FTCDNL1: variants seen among roughly 807,000 people sequenced by gnomAD.
The protein encoded by FTCDNL1 is formiminotransferase cyclodeaminase N-terminal like.
A neutral mutation model predicts 5.9 loss-of-function variants in FTCDNL1; 11 were observed. The ratio of observed to expected loss-of-function variants is 1.87; its 90% CI spans 1.18 to 3.10. FTCDNL1 has a LOEUF of 3.10. Among genes scored for constraint, FTCDNL1 ranks in the 30% most tolerant of loss-of-function variants. The pLI, the probability that FTCDNL1 is intolerant of heterozygous loss-of-function variation, is 0.00. For synonymous variants in FTCDNL1, 58 were observed against 24.8 expected (o/e 2.34, Z -3.99); for missense variants, 115 against 65.5 (o/e 1.76, Z -2.61).
At chr2:199,668,982 C>G in the FTCDNL1 span, among the ~76,000 whole-genome samples, 1 of 151,718 alleles carries the variant, frequency 6.6e-6, no homozygotes, top group Non-Finnish European at 1.5e-5. Context: ...TTTTTTTCCT[C>G]TAGGCTTACA....
At chr2:199,779,971 G>A (rs1257777523) in intron 3 of FTCDNL1, among the ~76,000 whole-genome samples, 1 of 152,190 alleles carries the variant, frequency 6.6e-6, no homozygotes, top group East Asian at 1.9e-4. Flanking sequence ...TTCACTACCT[G>A]CAAAAGTACC....
the FTCDNL1 span, among the ~76,000 whole-genome samples, chr2:199,745,996 C>T: frequency 6.6e-6 from 1 of 152,154 alleles, no homozygotes; most frequent in Non-Finnish European, 1.5e-5. Context: ...ATAAATGATT[C>T]CACAACATGG....
chr2:199,705,272 G>GTAC, the FTCDNL1 span, among the ~76,000 whole-genome samples: 1 of 152,170 alleles, frequency 6.6e-6, no homozygotes, highest in East Asian at 1.9e-4. Context: ...GGCTGAGATA[G>GTAC]TACTGGAACC....
chr2:199,672,360 T>C, the FTCDNL1 span, among the ~76,000 whole-genome samples: 4 of 152,218 alleles, frequency 2.6e-5, no homozygotes, highest in African/African-American at 9.6e-5. Flanking sequence ...ATTTACTACA[T>C]GTAAGTTTTA....
At chr2:199,820,073 C>A (rs879558586) in intron 3 of FTCDNL1, among the ~76,000 whole-genome samples, 7 of 152,174 alleles carry the variant, frequency 4.6e-5, no homozygotes, top group Admixed American at 4.6e-4. Context: ...TCTAATTTCA[C>A]AGTGGAAATG....
the FTCDNL1 span, among the ~76,000 whole-genome samples, chr2:199,691,649 A>C: frequency 6.6e-6 from 1 of 152,210 alleles, no homozygotes; most frequent in African/African-American, 2.4e-5. Flanking sequence ...TGGAATTGAA[A>C]TATCATAAGC....
intron 3 of FTCDNL1, among the ~76,000 whole-genome samples, chr2:199,766,664 T>C (rs745674217): frequency 2.0e-5 from 3 of 152,224 alleles, no homozygotes; most frequent in Non-Finnish European, 2.9e-5. Flanking sequence ...CAGGTAGCTA[T>C]GTACAAAACA....
intron 4 of FTCDNL1, chr2:199,818,423 A>G (rs1489563514): frequency 6.6e-6 from 1 of 152,170 alleles, no homozygotes; most frequent in African/African-American, 2.4e-5. Context: ...ATAGCCCTTT[A>G]GTACTGTGTT....
intron 3 of FTCDNL1, among the ~76,000 whole-genome samples, chr2:199,797,409 A>T (rs919627599): frequency 1.3e-5 from 2 of 152,204 alleles, no homozygotes; most frequent in South Asian, 2.1e-4. Flanking sequence ...TATTTACAAC[A>T]AAGTCACACA....
At chr2:199,751,820 T>C in the FTCDNL1 span, among the ~76,000 whole-genome samples, 2 of 152,094 alleles carry the variant, frequency 1.3e-5, no homozygotes, top group African/African-American at 4.8e-5. Flanking sequence ...AAATTATAAA[T>C]GTCCTGAAGG....
the FTCDNL1 span, among the ~76,000 whole-genome samples, chr2:199,748,206 C>T: frequency 1.4e-4 from 21 of 152,130 alleles, no homozygotes; most frequent in African/African-American, 4.8e-4. Context: ...GAAACTCATT[C>T]GTCCTGTCCT....
chr2:199,847,609 G>A (rs1017514749), intron 2 of FTCDNL1, among the ~76,000 whole-genome samples: 1 of 152,230 alleles, frequency 6.6e-6, no homozygotes, highest in African/African-American at 2.4e-5. Context: ...GAAGTAAATT[G>A]TTTGGTATTT....
At chr2:199,731,372 T>C in the FTCDNL1 span, among the ~76,000 whole-genome samples, 1 of 152,160 alleles carries the variant, frequency 6.6e-6, no homozygotes, top group Non-Finnish European at 1.5e-5. Context: ...AAAAAATGTT[T>C]TTAAAATGGC....
In FTCDNL1 at chr2:199,831,594, C is replaced by G. The variant is rs148402946; in HGVS notation, c.212-11837G>C. ...CATTTCTAATACAAACATACACAAG[C>G]AATACTATATTGGATTTATTGGTTT... On this transcript the variant is annotated intron_variant, in intron 3 of 4. Transcript: ENST00000420128. Among the ~76,000 whole-genome samples the G allele has an allele frequency of 4.1e-3, 619 of 152,116 alleles. 3 individuals are homozygous for G. The highest frequency in any genetic ancestry group is 5.3e-3 in the Non-Finnish European group (362 of 67,988).
the FTCDNL1 span, among the ~76,000 whole-genome samples, chr2:199,679,648 G>A: frequency 9.9e-5 from 15 of 151,048 alleles, no homozygotes; most frequent in Admixed American, 9.9e-4. Context: ...TTTATTTTTT[G>A]GTGGTTGCTG....
intron 1 of FTCDNL1, among the ~76,000 whole-genome samples, chr2:199,849,215 G>A (rs576788960): frequency 2.2e-4 from 33 of 152,260 alleles, no homozygotes; most frequent in South Asian, 1.2e-3. Flanking sequence ...GGTCCTCAGC[G>A]TGAATTTCAT....
At chr2:199,791,128 T>G (rs1331004305) in intron 3 of FTCDNL1, among the ~76,000 whole-genome samples, 1 of 152,194 alleles carries the variant, frequency 6.6e-6, no homozygotes, top group Non-Finnish European at 1.5e-5. Context: ...ACGTATCAAT[T>G]AATTCAGAAC....
intron 2 of FTCDNL1, among the ~76,000 whole-genome samples, chr2:199,847,395 CA>C (rs1346414497): frequency 6.6e-6 from 1 of 152,074 alleles, no homozygotes; most frequent in Non-Finnish European, 1.5e-5. Flanking sequence ...AGTTTTTCAA[CA>C]TACTCTAACT....
the FTCDNL1 span, among the ~76,000 whole-genome samples, chr2:199,706,034 A>G: frequency 6.6e-6 from 1 of 152,204 alleles, no homozygotes; most frequent in Non-Finnish European, 1.5e-5. Context: ...AACAGGGGAA[A>G]GTGCATCATC....
Sources: gnomAD v4.1 joint callset for allele counts (sites outside exome capture counted in the v4.1 genomes callset) on GRCh38, gnomAD v4.1.1 for gene constraint, MANE v1.5 for transcripts, NCBI Gene and HGNC (gene_info 2026-07-23, HGNC 2026-07-21) for gene names.